Variants in ZNF155 observed in about 807,000 individuals in gnomAD.
ZNF155 encodes the protein zinc finger protein 155.
ZNF155 carries 15 observed loss-of-function variants against 11.9 expected under a neutral mutation model. The ratio of observed to expected loss-of-function variants is 1.26; its 90% confidence interval spans 0.84 to 1.94. The LOEUF (loss-of-function observed/expected upper bound fraction) is 1.94. Among genes scored for constraint, ZNF155 ranks in the 30% most tolerant of loss-of-function variants. ZNF155 has a pLI of 0.00. For synonymous variants in ZNF155, 212 were observed against 219.9 expected, an observed-to-expected ratio of 0.96 and a Z score of 0.32; for missense variants, 602 against 639.1, an observed-to-expected ratio of 0.94 and a Z score of 0.63.
intron 2 of ZNF155, chr19:43,990,246 C>A: frequency 7.3e-6 from 4 of 549,992 alleles, no homozygotes; most frequent in South Asian, 2.7e-5. Flanking sequence ...TTACATCTTG[C>A]TACATCATTA....
At chr19:43,985,000 C>A (rs1037037974) in intron 1 of ZNF155, among the ~76,000 whole-genome samples, 2 of 152,132 alleles carry the variant, frequency 1.3e-5, no homozygotes, top group Admixed American at 6.5e-5. Context: ...GCTGTCTACA[C>A]GAGTGGTCTT....
Position 43,988,468 on chromosome 19 carries a change from C to A in ZNF155, c.-76C>A. The A allele has an allele frequency of 6.7e-7, 1 of 1,486,696 alleles. No individual in the cohort carries two copies. The highest frequency in any genetic ancestry group is 1.9e-5 in the Admixed American group (1 of 53,130). 92.1% of individuals were successfully genotyped at this position (1,486,696 alleles called of 1,614,324 possible). A position where few individuals can be genotyped will look rare whatever the true frequency, so the allele number is the denominator to read the frequency against. On this transcript the variant is annotated 5_prime_UTR_variant, in exon 2 of 5. Transcript: ENST00000270014. The stretch of plus-strand genomic sequence containing the variant: ...CTCTCTTTTTCTGCAGACTGTGGCA[C>A]GTTTCAGGCAGGATTCCTCCTTCAT...
intron 2 of ZNF155, among the ~76,000 whole-genome samples, chr19:43,990,962 C>T (rs147033118): frequency 2.0e-5 from 3 of 152,264 alleles, no homozygotes; most frequent in Admixed American, 6.5e-5. Context: ...CGGGGCAATA[C>T]GACTTACTGG....
rs1230373347 is a variant in ZNF155 at position 43,997,085 on chromosome 19, TA to T, written c.1229del (p.Tyr410LeufsTer63). 1 of 1,613,368 alleles carries T rather than the reference TA, an allele frequency of 6.2e-7. No homozygotes were observed. The highest frequency in any genetic ancestry group is 1.3e-5 in the African/African-American group (1 of 74,908). On this transcript the variant is annotated frameshift_variant, in exon 5 of 5. Coordinates refer to ENST00000270014, the MANE Select transcript of ZNF155 (RefSeq NM_198089.3). LOFTEE classifies it low-confidence loss of function (END_TRUNC). ...FKCEECGKGFYTNSQLSSHQR... is the reference protein window; with the variant it reads ...FKCEECGKGFXTNSQLSSHQR... ...ATGTGAAGAATGTGGAAAGGGATTT[TA>T]TACAAATTCACAACTGTCTTCCCAT...
At position 43,997,158 on chromosome 19, in the gene ZNF155, G is replaced by C. The variant is rs1975919779; in HGVS notation, c.1301G>C (p.Gly434Ala). ...AAGCCATATAAATGTGAGGAGTGTG[G>C]GAAGGGCTATGTTACTAAGTTTAAT... ...GEKPYKCEEC[G>A]KGYVTKFNLD... Residue 434 changes from glycine to alanine, a missense_variant, in exon 5 of 5, where the codon GGG (glycine) becomes GCG (alanine). Transcript: ENST00000270014. 6.2e-7 allele frequency: 1 copy of C among 1,614,054 alleles called. No homozygotes were observed. The highest frequency in any genetic ancestry group is 1.3e-5 in the African/African-American group (1 of 74,914).
Position 43,996,887 on chromosome 19 carries a change from T to C in ZNF155, c.1030T>C (p.Tyr344His), listed in dbSNP as rs750952960. The change falls in exon 5 of 5, where the codon TAC becomes CAC. Residue 344 changes from tyrosine (Y) to histidine (H), a missense_variant. Transcript: ENST00000270014. Reference sequence around the variant, plus strand: ...CATGGTCCACACAGGAGAGAAACCGTACAGATGTGAGCAGTGTGGAAAAGG... The same window carrying C: ...CATGGTCCACACAGGAGAGAAACCGCACAGATGTGAGCAGTGTGGAAAAGG... ...HCMVHTGEKP[Y>H]RCEQCGKGFI... The C allele has an allele frequency of 1.1e-5, 17 of 1,614,054 alleles. No individual in the cohort carries two copies. Among genetic ancestry groups the C allele is most frequent in the Non-Finnish European group, 1.4e-5 (16 of 1,180,030 alleles).
At chr19:43,989,418 C>T (rs1005515276) in intron 2 of ZNF155, among the ~76,000 whole-genome samples, 3 of 126,940 alleles carry the variant, frequency 2.4e-5, no homozygotes, top group South Asian at 2.4e-4. Context: ...CTCAGCGCAG[C>T]GGAATGAGGT....
At chr19:43,987,911 A>G (rs988143363) in intron 1 of ZNF155, among the ~76,000 whole-genome samples, 7 of 152,228 alleles carry the variant, frequency 4.6e-5, no homozygotes, top group Admixed American at 3.9e-4. Flanking sequence ...GGAATTTCAC[A>G]TAGTGGTTTT....
chr19:43,996,672 A>T lies in ZNF155; in HGVS notation c.815A>T (p.Asp272Val), dbSNP rs1174554298. Residue 272 changes from aspartate (D) to valine (V), a missense_variant, in exon 5 of 5, where the codon GAT becomes GTT. Transcript: ENST00000270014. ...CEACGKAFIH[D>V]SQLKEHKRIH... ...GCATGTGGGAAGGCCTTCATTCATG[A>T]TTCCCAGCTTAAGGAACATAAGAGA... The T allele has an allele frequency of 1.9e-6, 3 of 1,613,960 alleles. No individual in the cohort carries two copies. The African/African-American group carries it at 4.0e-5, about 22-fold the overall frequency.
At chr19:43,985,533 C>CTTTT (rs752604890) in intron 1 of ZNF155, among the ~76,000 whole-genome samples, 4 of 97,870 alleles carry the variant, frequency 4.1e-5, no homozygotes, top group Non-Finnish European at 4.5e-5. Context: ...TGCTCTTTTT[C>CTTTT]TTTTTTTTTT....
At chr19:43,986,109 T>G (rs1975432001) in intron 1 of ZNF155, among the ~76,000 whole-genome samples, 1 of 152,212 alleles carries the variant, frequency 6.6e-6, no homozygotes, top group East Asian at 1.9e-4. Flanking sequence ...GTTTCACTTT[T>G]TATAAGGATT....
chr19:43,991,211 T>C lies in ZNF155; in HGVS notation c.16-337T>C, dbSNP rs189631284. ...CCCAACAAAGTTGGGACTGAATTGT[T>C]TAATGTTGCTGGGGCAGTTGGCAAG... On this transcript the variant is annotated intron_variant, in intron 2 of 4. Coordinates refer to ENST00000270014, the MANE Select transcript of ZNF155 (RefSeq NM_198089.3). Among the ~76,000 whole-genome samples, 28 of 152,214 alleles carry C rather than the reference T, an allele frequency of 1.8e-4. 1 individual carries two copies. Among genetic ancestry groups the C allele is most frequent in the African/African-American group, 6.5e-4 (27 of 41,532 alleles).
At chr19:43,986,953 G>C (rs57574350) in intron 1 of ZNF155, among the ~76,000 whole-genome samples, 4,046 of 152,256 alleles carry the variant, frequency 0.027, 140 homozygotes, top group African/African-American at 0.078. Flanking sequence ...TCTGTAACCA[G>C]AGACGATTGT....
chr19:43,985,502 C>T (rs1975405090), intron 1 of ZNF155, among the ~76,000 whole-genome samples: 1 of 151,232 alleles, frequency 6.6e-6, no homozygotes, highest in African/African-American at 2.4e-5. Flanking sequence ...TACGCCACAC[C>T]ATGGCTCTGT....
At chr19:43,995,579 T>C (rs1002188621) in intron 4 of ZNF155, among the ~76,000 whole-genome samples, 2 of 151,966 alleles carry the variant, frequency 1.3e-5, no homozygotes, top group Non-Finnish European at 2.9e-5. Flanking sequence ...GGACAGGGTT[T>C]TGCTATATTG....
At chr19:43,989,749 A>T (rs1020369468) in intron 2 of ZNF155, among the ~76,000 whole-genome samples, 2 of 152,210 alleles carry the variant, frequency 1.3e-5, no homozygotes, top group African/African-American at 4.8e-5. Context: ...AAATCTTTAA[A>T]TCCCTTTTGG....
chr19:43,995,226 C>A (rs2067645665), intron 4 of ZNF155, among the ~76,000 whole-genome samples: 2 of 152,020 alleles, frequency 1.3e-5, no homozygotes, highest in Non-Finnish European at 2.9e-5. Context: ...ATTCTCCTGC[C>A]TCAGCCTCCT....
rs975577243 is a variant in ZNF155 at position 43,996,658 on chromosome 19, G to A, written c.801G>A (p.Lys267=). The part of the protein sequence containing the change: ...EKPYICEACG[K]AFIHDSQLKE... Reference sequence around the variant, plus strand: ...CTTACATTTGTGAGGCATGTGGGAAGGCCTTCATTCATGATTCCCAGCTTA... The same window carrying A: ...CTTACATTTGTGAGGCATGTGGGAAAGCCTTCATTCATGATTCCCAGCTTA... Residue 267 remains lysine (K), a synonymous_variant, in exon 5 of 5, where the codon AAG becomes AAA. Transcript: ENST00000270014. 2 of 1,614,050 alleles carry A rather than the reference G, an allele frequency of 1.2e-6. No homozygotes were observed. The highest frequency in any genetic ancestry group is 1.7e-6 in the Non-Finnish European group (2 of 1,180,010).
intron 1 of ZNF155, among the ~76,000 whole-genome samples, chr19:43,985,598 T>C (rs2147367900): frequency 6.7e-6 from 1 of 148,828 alleles, no homozygotes; most frequent in Non-Finnish European, 1.5e-5. Context: ...TAGAGTGCAG[T>C]GGCGCGATCT....
Sources: gnomAD v4.1 joint callset for allele counts (sites outside exome capture counted in the v4.1 genomes callset) on GRCh38, gnomAD v4.1.1 for gene constraint, MANE v1.5 for transcripts, NCBI Gene and HGNC (gene_info 2026-07-23, HGNC 2026-07-21) for gene names.